The following AFG2A variants were observed in gnomAD, a reference collection of about 807,000 sequenced individuals.
AFG2A encodes ATPase family gene 2 protein homolog A.
At chr4:123,016,783 G>A in the AFG2A span, among the ~76,000 whole-genome samples, 123,064 of 150,768 alleles carry the variant, frequency 0.82, 51,665 homozygotes, top group East Asian at 0.95. Context: ...CTGGGAGGTG[G>A]AGGTTGTAGC....
At chr4:123,237,280 G>A in the AFG2A span, among the ~76,000 whole-genome samples, 6 of 152,164 alleles carry the variant, frequency 3.9e-5, no homozygotes, top group Non-Finnish European at 7.3e-5. Flanking sequence ...ACCCTACAGA[G>A]GGGGGTACAG....
chr4:123,052,058 T>TA, the AFG2A span, among the ~76,000 whole-genome samples: 1 of 152,154 alleles, frequency 6.6e-6, no homozygotes, highest in Admixed American at 6.5e-5. Flanking sequence ...TCAGTTTTTT[T>TA]CTTTCATTTC....
At chr4:123,138,119 C>A in the AFG2A span, among the ~76,000 whole-genome samples, 120 of 152,224 alleles carry the variant, frequency 7.9e-4, no homozygotes, top group African/African-American at 2.7e-3. Context: ...TAATTTCAGC[C>A]TATAGTGTGC....
the AFG2A span, among the ~76,000 whole-genome samples, chr4:122,987,071 G>T: frequency 6.6e-6 from 1 of 152,030 alleles, no homozygotes; most frequent in Admixed American, 6.5e-5. Flanking sequence ...ATTATATAAT[G>T]ACCTTGTCTT....
chr4:123,256,723 C>T, the AFG2A span: 1 of 985,380 alleles, frequency 1.0e-6, no homozygotes, highest in Middle Eastern at 5.2e-4. Context: ...ACCATCTGCC[C>T]TTACCTCTGA....
chr4:123,180,902 A>G, the AFG2A span, among the ~76,000 whole-genome samples: 1 of 151,122 alleles, frequency 6.6e-6, no homozygotes, highest in East Asian at 2.0e-4. Context: ...TAAATATTTT[A>G]GGCTATGCAG....
chr4:123,170,221 A>G, the AFG2A span, among the ~76,000 whole-genome samples: 1 of 152,198 alleles, frequency 6.6e-6, no homozygotes, highest in Admixed American at 6.5e-5. Context: ...TGTGCTTTTG[A>G]ACTAGTAAGT....
At chr4:123,022,276 G>T in the AFG2A span, among the ~76,000 whole-genome samples, 1 of 151,826 alleles carries the variant, frequency 6.6e-6, no homozygotes, top group Non-Finnish European at 1.5e-5. Flanking sequence ...GAAAATTTTC[G>T]CAACCTACTC....
At chr4:122,967,144 T>G in the AFG2A span, among the ~76,000 whole-genome samples, 1 of 152,202 alleles carries the variant, frequency 6.6e-6, no homozygotes, top group East Asian at 1.9e-4. Flanking sequence ...GGCTCACACC[T>G]GCAATCCTAG....
At chr4:123,023,754 C>G in the AFG2A span, among the ~76,000 whole-genome samples, 1 of 152,056 alleles carries the variant, frequency 6.6e-6, no homozygotes, top group Non-Finnish European at 1.5e-5. Context: ...AGATGGCAGC[C>G]TCCGAGCCGG....
At chr4:123,145,941 T>C in the AFG2A span, among the ~76,000 whole-genome samples, 11 of 152,132 alleles carry the variant, frequency 7.2e-5, no homozygotes, top group Non-Finnish European at 1.5e-4. Context: ...TGAATACTTA[T>C]AGCAGTACTT....
At chr4:123,294,424 A>C in the AFG2A span, among the ~76,000 whole-genome samples, 3 of 152,332 alleles carry the variant, frequency 2.0e-5, no homozygotes, top group African/African-American at 7.2e-5. Flanking sequence ...CAACCATCAA[A>C]GAATCCCTTC....
At chr4:123,046,332 ACT>A in the AFG2A span, among the ~76,000 whole-genome samples, 202 of 152,108 alleles carry the variant, frequency 1.3e-3, no homozygotes, top group African/African-American at 4.1e-3. Flanking sequence ...GTCAGTTGTA[ACT>A]CTGTGCAGCT....
the AFG2A span, among the ~76,000 whole-genome samples, chr4:123,299,654 T>A: frequency 6.6e-6 from 1 of 152,154 alleles, no homozygotes; most frequent in Non-Finnish European, 1.5e-5. Context: ...AATGATACTT[T>A]GTTTGTTTGT....
chr4:122,949,858 G>T, the AFG2A span, among the ~76,000 whole-genome samples: 1 of 152,204 alleles, frequency 6.6e-6, no homozygotes, highest in African/African-American at 2.4e-5. Context: ...GGAGAGTATG[G>T]TATGAAATAG....
the AFG2A span, among the ~76,000 whole-genome samples, chr4:122,956,563 G>A: frequency 6.6e-6 from 1 of 151,752 alleles, no homozygotes; most frequent in Non-Finnish European, 1.5e-5. Flanking sequence ...TAGAAAATAT[G>A]CAGGTGTTGA....
the AFG2A span, among the ~76,000 whole-genome samples, chr4:123,231,082 A>G: frequency 6.6e-6 from 1 of 152,080 alleles, no homozygotes; most frequent in South Asian, 2.1e-4. Flanking sequence ...GCTTCAACTT[A>G]TATTTACCAA....
the AFG2A span, among the ~76,000 whole-genome samples, chr4:123,276,038 T>C: frequency 1.2e-3 from 190 of 152,356 alleles, no homozygotes; most frequent in Middle Eastern, 0.01. Context: ...TAATTCTGTT[T>C]TGAATTCTTT....
At chr4:123,013,641 T>G in the AFG2A span, among the ~76,000 whole-genome samples, 2 of 152,184 alleles carry the variant, frequency 1.3e-5, no homozygotes, top group African/African-American at 4.8e-5. Flanking sequence ...AAATACCTAA[T>G]GCATGTGGGG....
Sources: gnomAD v4.1 joint callset for allele counts (sites outside exome capture counted in the v4.1 genomes callset) on GRCh38, gnomAD v4.1.1 for gene constraint, MANE v1.5 for transcripts, NCBI Gene and HGNC (gene_info 2026-07-23, HGNC 2026-07-21) for gene names.